The following FREM2 variants were observed in gnomAD, a reference collection of about 807,000 sequenced individuals.
The protein encoded by FREM2 is FRAS1 related extracellular matrix 2, also known as FRAS1-related extracellular matrix protein 2.
Under a neutral mutation model 219.9 loss-of-function variants are expected in FREM2, and 119 were observed. The ratio of observed to expected loss-of-function variants is 0.54; its 90% confidence interval spans 0.47 to 0.63. The LOEUF (loss-of-function observed/expected upper bound fraction) is 0.63. Ranked by LOEUF, FREM2 falls within the 30% of genes least tolerant of loss-of-function variation. The pLI, the probability that FREM2 is intolerant of heterozygous loss-of-function variation, is 0.00. For missense variants in FREM2, 4,030 were observed against 3,993.6 expected (o/e 1.01, Z -0.25); for synonymous variants, 1,562 against 1,522.8 (o/e 1.03, Z -0.60).
chr13:38,869,166 T>C (rs1206690036), intron 16 of FREM2, among the ~76,000 whole-genome samples: 1 of 152,212 alleles, frequency 6.6e-6, no homozygotes, highest in Non-Finnish European at 1.5e-5. Context: ...TTAAATGTGT[T>C]CTTAGTAGCT....
intron 2 of FREM2, among the ~76,000 whole-genome samples, chr13:38,723,560 A>G (rs1056137052): frequency 3.9e-5 from 6 of 152,184 alleles, no homozygotes; most frequent in African/African-American, 1.4e-4. Flanking sequence ...TGGGGGGTGC[A>G]TGACATAATT....
intron 6 of FREM2, among the ~76,000 whole-genome samples, chr13:38,811,817 T>C (rs1387101644): frequency 6.6e-6 from 1 of 152,180 alleles, no homozygotes; most frequent in Non-Finnish European, 1.5e-5. Flanking sequence ...CCATTTGTTC[T>C]GTAGTGCAGA....
intron 4 of FREM2, among the ~76,000 whole-genome samples, chr13:38,772,503 G>A (rs1254214744): frequency 2.0e-5 from 3 of 152,164 alleles, no homozygotes; most frequent in Non-Finnish European, 4.4e-5. Flanking sequence ...ACTGAAATTC[G>A]TTGAGCAGTT....
intron 2 of FREM2, among the ~76,000 whole-genome samples, chr13:38,762,731 G>A (rs925712648): frequency 2.6e-5 from 4 of 152,000 alleles, no homozygotes; most frequent in East Asian, 1.9e-4. Context: ...CACCACGCCC[G>A]GCCCCAATCT....
intron 2 of FREM2, among the ~76,000 whole-genome samples, chr13:38,758,856 C>T (rs766833548): frequency 4.6e-5 from 7 of 152,152 alleles, no homozygotes; most frequent in Admixed American, 2.6e-4. Context: ...AACAAGACTT[C>T]TTAAAAATCT....
chr13:38,813,489 TCTCTCTCTCTCTCTCTCTCTCTCTCTCTC>T (rs1256704833), intron 6 of FREM2, among the ~76,000 whole-genome samples: 14 of 14,130 alleles, frequency 9.9e-4, no homozygotes, highest in Admixed American at 2.1e-3. Context: ...TCTCTCTCTC[TCTCTCTCTCTCTCTCTCTCTCTCTCTCTC>T]CTCTCTCTCT....
chr13:38,723,836 T>C (rs1871399661), intron 2 of FREM2, among the ~76,000 whole-genome samples: 1 of 152,190 alleles, frequency 6.6e-6, no homozygotes, highest in African/African-American at 2.4e-5. Context: ...GCTTATTTAA[T>C]TGTCATTACT....
intron 18 of FREM2, 32 bp downstream of exon 18, chr13:38,874,618 T>C (rs1333707617): frequency 6.5e-7 from 1 of 1,546,306 alleles, no homozygotes; most frequent in South Asian, 1.1e-5. Context: ...CAACCACTCC[T>C]CACACAAAAA....
intron 4 of FREM2, among the ~76,000 whole-genome samples, chr13:38,773,317 G>A (rs942684996): frequency 1.3e-5 from 2 of 152,020 alleles, no homozygotes; most frequent in African/African-American, 4.8e-5. Context: ...CCATGGCTCT[G>A]CGATCAATAG....
chr13:38,696,957 A>G (rs1870134027), intron 1 of FREM2, among the ~76,000 whole-genome samples: 1 of 151,694 alleles, frequency 6.6e-6, no homozygotes, highest in African/African-American at 2.4e-5. Context: ...ACAGGAACGC[A>G]CCACCACACC....
rs114346379 is a variant in FREM2, at chr13:38,784,579, G to C, written c.5790G>C (p.Pro1930=). 1.2e-6 allele frequency: 2 copies of C among 1,614,106 alleles called. No homozygotes were observed. The highest frequency in any genetic ancestry group is 3.3e-5 in the Admixed American group (2 of 60,028). The change falls in exon 6 of 24, where the codon CCG becomes CCC. Residue 1930 remains proline (P), a synonymous_variant. Coordinates refer to ENST00000280481, the MANE Select transcript of FREM2 (RefSeq NM_207361.6). The part of the protein sequence containing the change: ...TQQGTATGTV[P]TSVLSYSDYI... ...CAGGAACAGCAACTGGAACTGTGCCGACTTCCGTGTTGTCTTACTCTGATT... is the reference window on the plus strand; with the variant it reads ...CAGGAACAGCAACTGGAACTGTGCCCACTTCCGTGTTGTCTTACTCTGATT...
intron 2 of FREM2, among the ~76,000 whole-genome samples, chr13:38,725,183 A>G (rs1458057647): frequency 6.6e-6 from 1 of 152,188 alleles, no homozygotes; most frequent in Non-Finnish European, 1.5e-5. Context: ...TTCATCATTC[A>G]TTTATTCGTT....
chr13:38,873,549 C>T (rs1489385867), intron 17 of FREM2, among the ~76,000 whole-genome samples: 2 of 152,184 alleles, frequency 1.3e-5, no homozygotes, highest in Non-Finnish European at 2.9e-5. Context: ...GCCACTAGTT[C>T]GAGTTCGCGA....
rs549652262 is a variant in FREM2 at position 38,881,025 on chromosome 13, A to C, written c.*238A>C. 8.6e-6 allele frequency: 5 copies of C among 582,762 alleles called. No individual in the cohort carries two copies. The highest frequency in any genetic ancestry group is 2.7e-5 in the Admixed American group (1 of 37,298). 36.1% of individuals were successfully genotyped at this position (582,762 alleles called of 1,614,324 possible). A position where few individuals can be genotyped will look rare whatever the true frequency, so the allele number is the denominator to read the frequency against. On this transcript the variant is annotated 3_prime_UTR_variant, in exon 24 of 24. Transcript: ENST00000280481. ...GCAGCAACAACGTACTCATATGTAC[A>C]CAGAGCCATGATGTGAGGAATGTAC...
At chr13:38,735,054 A>G (rs79787164) in intron 2 of FREM2, among the ~76,000 whole-genome samples, 2 of 152,172 alleles carry the variant, frequency 1.3e-5, no homozygotes, top group African/African-American at 4.8e-5. Context: ...CCAGTGCTAT[A>G]CATTTTTAGA....
intron 2 of FREM2, among the ~76,000 whole-genome samples, chr13:38,720,206 A>C (rs909224845): frequency 6.6e-6 from 1 of 152,192 alleles, no homozygotes; most frequent in African/African-American, 2.4e-5. Flanking sequence ...TACAAACAGT[A>C]CTGTGACTTT....
chr13:38,783,038 AAAT>A, intron 4 of FREM2, 29 bp from the exon 5 acceptor site: 1 of 1,612,074 alleles, frequency 6.2e-7, no homozygotes, highest in Non-Finnish European at 8.5e-7. Flanking sequence ...GCTCAGACAA[AAAT>A]AATGCTTGCA....
intron 6 of FREM2, among the ~76,000 whole-genome samples, chr13:38,832,604 TTCTC>T (rs1876553398): frequency 1.3e-5 from 2 of 152,252 alleles, no homozygotes; most frequent in South Asian, 4.1e-4. Flanking sequence ...ATACATACCA[TTCTC>T]TATCTACCAT....
At chr13:38,835,078 T>C (rs1876657224) in intron 6 of FREM2, among the ~76,000 whole-genome samples, 1 of 152,232 alleles carries the variant, frequency 6.6e-6, no homozygotes, top group Non-Finnish European at 1.5e-5. Flanking sequence ...TTTTATGTCA[T>C]TAGGTCTTAC....
Sources: gnomAD v4.1 joint callset for allele counts (sites outside exome capture counted in the v4.1 genomes callset) on GRCh38, gnomAD v4.1.1 for gene constraint, MANE v1.5 for transcripts, NCBI Gene and HGNC (gene_info 2026-07-23, HGNC 2026-07-21) for gene names.